Variants in FRMD5 observed in about 807,000 individuals in gnomAD.
The protein encoded by FRMD5 is FERM domain containing 5.
FRMD5 carries 20 observed loss-of-function variants against 69.0 expected under a neutral mutation model. That is an observed-to-expected ratio of 0.29 (90% CI 0.20 to 0.42). The LOEUF is 0.42. FRMD5 is among the 10% of genes least tolerant of loss of function. FRMD5 has a pLI of 1.00. For missense variants in FRMD5, 595 were observed against 708.6 expected, an observed-to-expected ratio of 0.84 and a Z score of 1.82; for synonymous variants, 271 against 260.1, an observed-to-expected ratio of 1.04 and a Z score of -0.40.
chr15:44,087,500 T>G (rs550650742), intron 1 of FRMD5, among the ~76,000 whole-genome samples: 2 of 152,096 alleles, frequency 1.3e-5, no homozygotes, highest in Non-Finnish European at 2.9e-5. Context: ...GTGCAGTAGT[T>G]TAAAGTATAG....
intron 1 of FRMD5, among the ~76,000 whole-genome samples, chr15:43,937,006 T>C (rs2089772578): frequency 6.6e-6 from 1 of 152,212 alleles, no homozygotes; most frequent in African/African-American, 2.4e-5. Flanking sequence ...GTGAACCTCA[T>C]AGCCAAGTTA....
intron 5 of FRMD5, among the ~76,000 whole-genome samples, chr15:43,906,211 T>C (rs1022438067): frequency 1.3e-5 from 2 of 152,138 alleles, no homozygotes; most frequent in Admixed American, 1.3e-4. Flanking sequence ...TGTTCTGAGG[T>C]CACCACAAGT....
rs34063043 is a variant in FRMD5 at position 43,875,804 on chromosome 15, GTT to G, written c.1136-1344_1136-1343del. ...TCTTGCCTTTGGTGTCCTGGGCCTAGTTTTTTTTTTTTTTTTTTTTTTTCTTT... is the reference window on the plus strand; with the variant it reads ...TCTTGCCTTTGGTGTCCTGGGCCTAGTTTTTTTTTTTTTTTTTTTTTCTTT... On this transcript the variant is annotated intron_variant, in intron 13 of 13. Coordinates refer to ENST00000417257, the MANE Select transcript of FRMD5 (RefSeq NM_032892.5). The G allele has an allele frequency of 4.5e-3, 957 of 210,482 alleles. 9 individuals are homozygous for G. The highest frequency in any genetic ancestry group is 0.029 in the African/African-American group (605 of 20,984). The allele number at this position is 210,482 out of a possible 1,614,324, so 13.0% of individuals were successfully genotyped here.
intron 2 of FRMD5, among the ~76,000 whole-genome samples, chr15:43,921,091 G>A (rs1409807677): frequency 1.3e-5 from 2 of 152,214 alleles, no homozygotes; most frequent in Non-Finnish European, 2.9e-5. Flanking sequence ...GTGGTTAAGA[G>A]GCCCTTCTCA....
intron 2 of FRMD5, among the ~76,000 whole-genome samples, chr15:43,922,727 G>T (rs1006575968): frequency 2.0e-5 from 3 of 149,806 alleles, no homozygotes; most frequent in African/African-American, 7.4e-5. Context: ...CTGGAGTGCA[G>T]TGGTGTGATC....
At chr15:44,132,206 G>A (rs1026438306) in intron 1 of FRMD5, among the ~76,000 whole-genome samples, 3 of 152,186 alleles carry the variant, frequency 2.0e-5, no homozygotes, top group Non-Finnish European at 4.4e-5. Context: ...AGGCGGTAAC[G>A]TGAACGATGG....
intron 1 of FRMD5, among the ~76,000 whole-genome samples, chr15:44,177,331 G>A (rs1431018878): frequency 2.0e-5 from 3 of 152,104 alleles, no homozygotes; most frequent in African/African-American, 7.2e-5. Flanking sequence ...ATCAACTGAT[G>A]AATAAACAAA....
At chr15:43,910,435 A>C (rs984102820) in intron 4 of FRMD5, among the ~76,000 whole-genome samples, 7 of 152,150 alleles carry the variant, frequency 4.6e-5, no homozygotes, top group African/African-American at 1.2e-4. Context: ...CAACTTACCA[A>C]GAGAATCTGT....
chr15:44,107,960 T>C (rs944211061), intron 1 of FRMD5, among the ~76,000 whole-genome samples: 2 of 152,162 alleles, frequency 1.3e-5, no homozygotes, highest in Non-Finnish European at 2.9e-5. Context: ...GGATGTGCAA[T>C]TGGTTTGGAT....
intron 1 of FRMD5, among the ~76,000 whole-genome samples, chr15:43,953,110 C>G (rs1339545353): frequency 6.6e-6 from 1 of 152,146 alleles, no homozygotes; most frequent in Admixed American, 6.5e-5. Flanking sequence ...CCTTGAGCTG[C>G]CCCAGGGGCT....
chr15:43,973,349 C>T (rs1282968945), intron 1 of FRMD5, among the ~76,000 whole-genome samples: 4 of 149,280 alleles, frequency 2.7e-5, no homozygotes, highest in African/African-American at 9.9e-5. Context: ...TAGTTACTTT[C>T]TTGTTTGCTA....
At chr15:44,036,251 T>C (rs933030797) in intron 1 of FRMD5, among the ~76,000 whole-genome samples, 1 of 152,128 alleles carries the variant, frequency 6.6e-6, no homozygotes, top group Non-Finnish European at 1.5e-5. Context: ...AAGGTTGAAC[T>C]TCTCTCAAGT....
intron 1 of FRMD5, among the ~76,000 whole-genome samples, chr15:44,022,661 A>G (rs1891261829): frequency 6.6e-6 from 1 of 151,958 alleles, no homozygotes; most frequent in Non-Finnish European, 1.5e-5. Context: ...AAAGAAAAAA[A>G]GCTCATGAGA....
chr15:43,893,985 A>G (rs2088856637), intron 7 of FRMD5, among the ~76,000 whole-genome samples: 1 of 152,218 alleles, frequency 6.6e-6, no homozygotes, highest in South Asian at 2.1e-4. Flanking sequence ...TCCTTTCCTC[A>G]GGGTCTGTCA....
chr15:44,068,725 T>C (rs1299550430), intron 1 of FRMD5, among the ~76,000 whole-genome samples: 2 of 152,358 alleles, frequency 1.3e-5, no homozygotes, highest in South Asian at 2.1e-4. Flanking sequence ...CTGATTTGTA[T>C]ACTTTAAACA....
intron 1 of FRMD5, among the ~76,000 whole-genome samples, chr15:44,059,023 C>T (rs576121989): frequency 6.6e-6 from 1 of 152,208 alleles, no homozygotes; most frequent in East Asian, 1.9e-4. Context: ...GGACAAATAA[C>T]AGGAAAAACT....
At chr15:43,955,962 T>C (rs1468285848) in intron 1 of FRMD5, among the ~76,000 whole-genome samples, 1 of 152,156 alleles carries the variant, frequency 6.6e-6, no homozygotes, top group Non-Finnish European at 1.5e-5. Flanking sequence ...GCTAAGTAAC[T>C]AGTACATGCA....
At chr15:44,004,496 A>G (rs948769526) in intron 1 of FRMD5, among the ~76,000 whole-genome samples, 3 of 152,168 alleles carry the variant, frequency 2.0e-5, no homozygotes, top group Non-Finnish European at 4.4e-5. Flanking sequence ...CAATATTTCA[A>G]AGTTTTCCAT....
chr15:44,026,413 A>G (rs956376496), intron 1 of FRMD5, among the ~76,000 whole-genome samples: 2 of 152,224 alleles, frequency 1.3e-5, no homozygotes, highest in Non-Finnish European at 2.9e-5. Flanking sequence ...AATACACTAG[A>G]TTAACTATTA....
Sources: allele counts gnomAD v4.1 joint callset (sites outside exome capture counted in the v4.1 genomes callset), GRCh38; gene constraint gnomAD v4.1.1; transcripts MANE v1.5; gene names NCBI Gene and HGNC (gene_info 2026-07-23, HGNC 2026-07-21).